LANCL2: variants seen among roughly 807,000 people sequenced by gnomAD.
LANCL2 encodes lanC-like protein 2.
In LANCL2, 33 loss-of-function variants were observed where a neutral mutation model predicts 56.9. That is an observed-to-expected ratio of 0.58 (90% confidence interval 0.44 to 0.78). The LOEUF is 0.78. LANCL2 is among the 30% of genes least tolerant of loss of function. The pLI, the probability that LANCL2 is intolerant of heterozygous loss-of-function variation, is 0.00. For synonymous variants in LANCL2, 233 were observed against 228.2 expected, an observed-to-expected ratio of 1.02 and a Z score of -0.19; for missense variants, 562 against 580.2, an observed-to-expected ratio of 0.97 and a Z score of 0.32.
At chr7:55,408,625 C>T (rs1021237069) in intron 5 of LANCL2, among the ~76,000 whole-genome samples, 18 of 150,128 alleles carry the variant, frequency 1.2e-4, no homozygotes, top group African/African-American at 4.4e-4. Context: ...GTCGAGATCA[C>T]GCCACTGCAC....
At chr7:55,427,184 GT>G (rs1225130609) in intron 7 of LANCL2, among the ~76,000 whole-genome samples, 1 of 152,234 alleles carries the variant, frequency 6.6e-6, no homozygotes, top group African/African-American at 2.4e-5. Flanking sequence ...GTAGCCAGTA[GT>G]TCTCAACCTT....
At chr7:55,395,768 G>A (rs993168133) in intron 2 of LANCL2, among the ~76,000 whole-genome samples, 1 of 152,156 alleles carries the variant, frequency 6.6e-6, no homozygotes, top group Admixed American at 6.5e-5. Flanking sequence ...GAGGTCACAG[G>A]GGCAAACTGC....
Position 55,391,885 on chromosome 7 carries a change from C to T in LANCL2, c.297C>T (p.Asp99=), listed in dbSNP as rs777580036. Residue 99 remains aspartate, a synonymous_variant, in exon 2 of 9, where the codon GAC becomes GAT. Transcript: ENST00000254770. ...GGCTGAAGACAGCTGATCCCCATGA[C>T]TGCTCTGCTTATACTGGCTGGACAG... The part of the protein sequence containing the change: ...EEGLKTADPH[D]CSAYTGWTGI... 6.2e-7 allele frequency: 1 copy of T among 1,605,020 alleles called. No individual in the cohort carries two copies. Among genetic ancestry groups the T allele is most frequent in the South Asian group, 1.1e-5 (1 of 90,912 alleles).
chr7:55,420,678 A>G (rs1019149517), intron 6 of LANCL2, among the ~76,000 whole-genome samples: 1 of 152,238 alleles, frequency 6.6e-6, no homozygotes. Flanking sequence ...CAGTTCTATC[A>G]TTGTAGCACA....
chr7:55,399,378 T>C (rs1790294598), intron 3 of LANCL2, among the ~76,000 whole-genome samples: 1 of 150,348 alleles, frequency 6.7e-6, no homozygotes, highest in African/African-American at 2.4e-5. Context: ...AATTTCGCTC[T>C]TGTTGCCCAG....
intron 5 of LANCL2, among the ~76,000 whole-genome samples, chr7:55,405,490 CT>C (rs35842812): frequency 0.26 from 32,036 of 123,288 alleles, 3,515 homozygotes; most frequent in Non-Finnish European, 0.33. Context: ...GGTTCAGGAA[CT>C]TTTTTTTTTT....
At chr7:55,415,936 G>A (rs888711664) in intron 6 of LANCL2, among the ~76,000 whole-genome samples, 5 of 151,952 alleles carry the variant, frequency 3.3e-5, no homozygotes, top group East Asian at 1.9e-4. Context: ...GTTTTTCATC[G>A]GTTTCCAGGT....
intron 1 of LANCL2, among the ~76,000 whole-genome samples, chr7:55,391,193 GT>G (rs71031841): frequency 0.3 from 45,270 of 150,632 alleles, 7,195 homozygotes; most frequent in Non-Finnish European, 0.36. Context: ...ATTTTTTTGT[GT>G]TTTTTAGTAG....
chr7:55,385,861 C>T (rs962772845), intron 1 of LANCL2, among the ~76,000 whole-genome samples: 4 of 152,128 alleles, frequency 2.6e-5, no homozygotes, highest in South Asian at 2.1e-4. Flanking sequence ...TCTGCAATCT[C>T]GACCATAAGA....
At position 55,403,207 on chromosome 7, in the gene LANCL2, G is replaced by A. The variant is rs564648133; in HGVS notation, c.825+1887G>A. 3.5e-3 allele frequency among the ~76,000 whole-genome samples: 528 copies of A among 152,364 alleles called. 2 individuals are homozygous for A. The highest frequency in any genetic ancestry group is 0.012 in the African/African-American group (507 of 41,578). ...TGCCATCCCGGCACCTCGGGAGGCCGAGGCTGGCGGATCACTCGCGGTTAG... is the reference window on the plus strand; with the variant it reads ...TGCCATCCCGGCACCTCGGGAGGCCAAGGCTGGCGGATCACTCGCGGTTAG... On this transcript the variant is annotated intron_variant, in intron 5 of 8. Coordinates refer to ENST00000254770, the MANE Select transcript of LANCL2 (RefSeq NM_018697.4).
chr7:55,408,330 C>T (rs1332287979), intron 5 of LANCL2, among the ~76,000 whole-genome samples: 1 of 151,968 alleles, frequency 6.6e-6, no homozygotes, highest in African/African-American at 2.4e-5. Flanking sequence ...AGGGAGAACA[C>T]ACAATAGGAG....
chr7:55,423,579 C>T (rs1790631333), intron 6 of LANCL2, among the ~76,000 whole-genome samples: 1 of 152,212 alleles, frequency 6.6e-6, no homozygotes. Flanking sequence ...TGTGTGCCGG[C>T]ACAATACCGT....
chr7:55,365,978 G>A lies in LANCL2; in HGVS notation c.-48G>A, dbSNP rs1380004720. 2.2e-6 allele frequency: 3 copies of A among 1,344,302 alleles called. No individual in the cohort carries two copies. Among genetic ancestry groups the A allele is most frequent in the South Asian group, 1.7e-5 (1 of 60,222 alleles). 83.3% of individuals were successfully genotyped at this position (1,344,302 alleles called of 1,614,324 possible). ...AGGCGGCGGCGGGGCGAGCTGCAGC[G>A]CCGGGACAGGAGGTTTGTCCCCGCC... On this transcript the variant is annotated 5_prime_UTR_variant, in exon 1 of 9. Coordinates refer to ENST00000254770, the MANE Select transcript of LANCL2 (RefSeq NM_018697.4).
chr7:55,376,538 G>A (rs577550964), intron 1 of LANCL2, among the ~76,000 whole-genome samples: 14 of 152,266 alleles, frequency 9.2e-5, no homozygotes, highest in African/African-American at 2.9e-4. Context: ...AGTGGTCATC[G>A]ATGCCTTTCC....
At chr7:55,414,589 A>C (rs1172776838) in intron 6 of LANCL2, among the ~76,000 whole-genome samples, 1 of 152,182 alleles carries the variant, frequency 6.6e-6, no homozygotes. Context: ...GTAGATGCTC[A>C]TCATGTGTTA....
chr7:55,388,271 C>A (rs191553184), intron 1 of LANCL2, among the ~76,000 whole-genome samples: 8 of 152,296 alleles, frequency 5.3e-5, no homozygotes, highest in Middle Eastern at 6.8e-3. Context: ...ATGGGCCGGG[C>A]ACTGTGGCTC....
In LANCL2 at chr7:55,366,000, C is replaced by T. The variant is rs997778096; in HGVS notation, c.-26C>T. ...AGCGCCGGGACAGGAGGTTTGTCCC[C>T]GCCCGCGCGCCGTACCGCGGCGGAG... On this transcript the variant is annotated 5_prime_UTR_variant, in exon 1 of 9. Transcript: ENST00000254770. The T allele has an allele frequency of 1.4e-6, 2 of 1,412,852 alleles. No homozygotes were observed. Among genetic ancestry groups the T allele is most frequent in the Admixed American group, 3.1e-5 (1 of 32,256 alleles). 87.5% of individuals were successfully genotyped at this position (1,412,852 alleles called of 1,614,324 possible).
At chr7:55,390,883 AT>A (rs1790179697) in intron 1 of LANCL2, among the ~76,000 whole-genome samples, 1 of 152,086 alleles carries the variant, frequency 6.6e-6, no homozygotes. Context: ...CCAACAATGA[AT>A]AAGAATACCT....
At chr7:55,391,755 C>A (rs753988683) in intron 1 of LANCL2, 38 bp from the exon 2 acceptor site, 2 of 1,088,300 alleles carry the variant, frequency 1.8e-6, no homozygotes, top group Non-Finnish European at 2.8e-6. Flanking sequence ...TTGTCCCATT[C>A]TTGTGAAGTT....
Sources: allele counts gnomAD v4.1 joint callset (sites outside exome capture counted in the v4.1 genomes callset), GRCh38; gene constraint gnomAD v4.1.1; transcripts MANE v1.5; gene names NCBI Gene and HGNC (gene_info 2026-07-23, HGNC 2026-07-21).